The following ETV6 variants were observed in gnomAD, a reference collection of about 807,000 sequenced individuals.
The protein encoded by ETV6 is ETS variant transcription factor 6.
A neutral mutation model predicts 51.1 loss-of-function variants in ETV6; 16 were observed. The ratio of observed to expected loss-of-function variants is 0.31; its 90% confidence interval spans 0.21 to 0.48. The LOEUF (loss-of-function observed/expected upper bound fraction) is 0.48, where lower values mean the gene tolerates loss of function less well. ETV6 is among the 20% of genes least tolerant of loss of function. The probability of loss-of-function intolerance (pLI) is 0.99; values close to 1 mark genes in which losing one functional copy is unlikely to be tolerated. For synonymous variants in ETV6, 240 were observed against 224.1 expected (o/e 1.07, Z -0.64); for missense variants, 458 against 594.8 (o/e 0.77, Z 2.39).
chr12:11,799,392 G>C (rs1307445821), intron 2 of ETV6, among the ~76,000 whole-genome samples: 2 of 152,142 alleles, frequency 1.3e-5, no homozygotes, highest in East Asian at 3.9e-4. Flanking sequence ...CACATGAAGT[G>C]TCCATGCCCT....
At chr12:11,758,614 C>G (rs1565514641) in intron 2 of ETV6, among the ~76,000 whole-genome samples, 1 of 152,192 alleles carries the variant, frequency 6.6e-6, no homozygotes, top group African/African-American at 2.4e-5. Context: ...CTGGAACTTT[C>G]TTCCCGTTCT....
intron 1 of ETV6, among the ~76,000 whole-genome samples, chr12:11,678,980 A>G (rs1425996909): frequency 1.3e-5 from 2 of 152,198 alleles, no homozygotes; most frequent in Non-Finnish European, 2.9e-5. Context: ...TTTACTGTTC[A>G]GGAGCTAATC....
At chr12:11,839,408 C>A in intron 3 of ETV6, 104 bp downstream of exon 3, 1 of 1,165,148 alleles carries the variant, frequency 8.6e-7, no homozygotes, top group Non-Finnish European at 1.2e-6. Context: ...AACAGTGAGT[C>A]ATCACAAGGA....
chr12:11,668,171 T>C (rs1479300328), intron 1 of ETV6, among the ~76,000 whole-genome samples: 1 of 142,646 alleles, frequency 7.0e-6, no homozygotes, highest in Non-Finnish European at 1.5e-5. Flanking sequence ...TATAGGTCTG[T>C]TGGACATTGT....
intron 2 of ETV6, among the ~76,000 whole-genome samples, chr12:11,782,534 G>A (rs1331983367): frequency 6.6e-6 from 1 of 152,096 alleles, no homozygotes; most frequent in African/African-American, 2.4e-5. Context: ...CTGCACATTT[G>A]TAATAATAGG....
At chr12:11,749,314 C>T (rs1865972309) in intron 1 of ETV6, among the ~76,000 whole-genome samples, 2 of 79,128 alleles carry the variant, frequency 2.5e-5, no homozygotes, top group East Asian at 1.3e-3. Flanking sequence ...CACACACACA[C>T]ACACACACAC....
At chr12:11,860,241 C>G (rs1327229505) in intron 4 of ETV6, among the ~76,000 whole-genome samples, 1 of 152,202 alleles carries the variant, frequency 6.6e-6, no homozygotes, top group Admixed American at 6.5e-5. Context: ...ACTCGATTCT[C>G]TAGTCTTGCT....
Position 11,891,617 on chromosome 12 carries a change from T to C in ETV6, c.*571T>C, listed in dbSNP as rs1048481864. On this transcript the variant is annotated 3_prime_UTR_variant, in exon 8 of 8. Coordinates refer to ENST00000396373, the MANE Select transcript of ETV6 (RefSeq NM_001987.5). ...TCTTGGCTGAAAAAAAAAAATGCTT[T>C]TAAAAAAGATAAAATGAAAAGGAGA... 2.5e-5 allele frequency: 13 copies of C among 530,296 alleles called. No individual in the cohort carries two copies. Among genetic ancestry groups the C allele is most frequent in the African/African-American group, 2.4e-4 (13 of 53,326 alleles). 32.8% of individuals were successfully genotyped at this position (530,296 alleles called of 1,614,324 possible).
At chr12:11,768,998 A>C (rs772204035) in intron 2 of ETV6, 3 of 468,652 alleles carry the variant, frequency 6.4e-6, no homozygotes, top group Non-Finnish European at 1.3e-5. Context: ...CCGTAGGCTC[A>C]GTGCTAGTAC....
At chr12:11,724,904 T>C (rs914515511) in intron 1 of ETV6, among the ~76,000 whole-genome samples, 4 of 152,340 alleles carry the variant, frequency 2.6e-5, no homozygotes, top group Admixed American at 6.5e-5. Flanking sequence ...AGAGTTTCGG[T>C]TGTGGCTGCT....
At chr12:11,833,289 TATAAGTACATTA>T (rs1320723892) in intron 2 of ETV6, among the ~76,000 whole-genome samples, 2 of 152,204 alleles carry the variant, frequency 1.3e-5, no homozygotes, top group Non-Finnish European at 2.9e-5. Context: ...CTGAAAATTG[TATAAGTACATTA>T]TCTATGATTC....
intron 1 of ETV6, among the ~76,000 whole-genome samples, chr12:11,651,365 A>G (rs971961084): frequency 3.3e-5 from 5 of 152,210 alleles, no homozygotes; most frequent in Admixed American, 2.6e-4. Context: ...GGGGAAACGC[A>G]GTAGTTCATC....
At chr12:11,858,092 G>C (rs1591725030) in intron 4 of ETV6, among the ~76,000 whole-genome samples, 2 of 152,210 alleles carry the variant, frequency 1.3e-5, no homozygotes, top group Non-Finnish European at 2.9e-5. Context: ...GTGGCAGCAA[G>C]AGTAGCGTCA....
intron 5 of ETV6, among the ~76,000 whole-genome samples, chr12:11,875,997 G>T (rs1245495941): frequency 1.3e-5 from 2 of 152,114 alleles, no homozygotes; most frequent in African/African-American, 4.8e-5. Flanking sequence ...TTGTGTACGT[G>T]GTGGTCAGTG....
intron 2 of ETV6, among the ~76,000 whole-genome samples, chr12:11,831,063 GA>G (rs1946237546): frequency 6.6e-6 from 1 of 152,194 alleles, no homozygotes; most frequent in Non-Finnish European, 1.5e-5. Flanking sequence ...GGCTGCTCTT[GA>G]AAATGAAATC....
intron 1 of ETV6, among the ~76,000 whole-genome samples, chr12:11,675,785 C>T (rs929799892): frequency 2.6e-5 from 4 of 151,226 alleles, no homozygotes; most frequent in Admixed American, 1.3e-4. Flanking sequence ...CTGTACTTCA[C>T]GCTGGGCAAC....
intron 3 of ETV6, among the ~76,000 whole-genome samples, chr12:11,850,483 G>A (rs971709316): frequency 8.1e-6 from 1 of 123,656 alleles, no homozygotes; most frequent in African/African-American, 3.1e-5. Context: ...GACCTCCTTA[G>A]AGATCTACAC....
At position 11,869,470 on chromosome 12, in the gene ETV6, C is replaced by T. The variant is rs778095388; in HGVS notation, c.510C>T (p.His170=). 5 of 1,613,994 alleles carry T rather than the reference C, an allele frequency of 3.1e-6. No individual in the cohort carries two copies. The Admixed American group carries it at 5.0e-5, about 16-fold the overall frequency. ...CCAGGCCATCCGTGGATAATGTGCA[C>T]CATAACCCTCCCACCATTGAACTGT... ...RTPRPSVDNV[H]HNPPTIELLH... is the part of the protein sequence containing the mutation. Residue 170 remains histidine, a synonymous_variant, in exon 5 of 8, where the codon CAC becomes CAT. Transcript: ENST00000396373. The surrounding 1 kb of genome is among the most constrained non-coding windows in gnomAD (Gnocchi z 5.0).
chr12:11,791,394 A>G (rs762718), intron 2 of ETV6, among the ~76,000 whole-genome samples: 75,930 of 152,038 alleles, frequency 0.5, 19,289 homozygotes, highest in Middle Eastern at 0.57. Context: ...GTTGTCCAAA[A>G]TACGTGTTCA....
Sources: allele counts gnomAD v4.1 joint callset (sites outside exome capture counted in the v4.1 genomes callset), GRCh38; gene constraint gnomAD v4.1.1; non-coding constraint Gnocchi (gnomAD v3.1); transcripts MANE v1.5; gene names NCBI Gene and HGNC (gene_info 2026-07-23, HGNC 2026-07-21).